UNC13C: variants seen among roughly 807,000 people sequenced by gnomAD.
The protein encoded by UNC13C is unc-13 homolog C.
UNC13C carries 174 observed loss-of-function variants against 245.4 expected under a neutral mutation model. The observed-to-expected ratio is 0.71, with a 90% CI of 0.63 to 0.80. UNC13C has a LOEUF of 0.80. Among genes scored for constraint, UNC13C ranks in the 30% least tolerant of loss-of-function variants. The pLI is 0.00. For missense variants in UNC13C, 2,829 were observed against 2,602.9 expected (o/e 1.09, Z -1.89); for synonymous variants, 992 against 895.1 (o/e 1.11, Z -1.93).
intron 17 of UNC13C, among the ~76,000 whole-genome samples, chr15:54,371,717 T>TATATAC (rs565311483): frequency 6.7e-6 from 1 of 149,582 alleles, no homozygotes; most frequent in Admixed American, 6.7e-5. Flanking sequence ...TATATATATA[T>TATATAC]ACACACACAC....
At chr15:54,026,367 TA>T (rs1045789012) in intron 2 of UNC13C, among the ~76,000 whole-genome samples, 2 of 152,210 alleles carry the variant, frequency 1.3e-5, no homozygotes, top group African/African-American at 4.8e-5. Flanking sequence ...CCTCCTCTGG[TA>T]TTCTTTGCAC....
At chr15:54,333,877 C>A in intron 16 of UNC13C, 21 bp downstream of exon 16, 3 of 1,550,308 alleles carry the variant, frequency 1.9e-6, no homozygotes, top group South Asian at 1.2e-5. Context: ...TTATTTCTGT[C>A]ACTGTTTTGT....
chr15:54,603,266 A>AT (rs569306058), intron 30 of UNC13C, among the ~76,000 whole-genome samples: 309 of 152,292 alleles, frequency 2.0e-3, no homozygotes, highest in Non-Finnish European at 3.7e-3. Flanking sequence ...TCTTCCTAGA[A>AT]TTCTGTGAAG....
intron 2 of UNC13C, among the ~76,000 whole-genome samples, chr15:54,021,006 A>G (rs1347765966): frequency 6.6e-6 from 1 of 152,216 alleles, no homozygotes; most frequent in Non-Finnish European, 1.5e-5. Context: ...AGAATTATCT[A>G]TAAAGTGATT....
chr15:54,123,116 C>G lies in UNC13C; in HGVS notation c.2984-19902C>G, dbSNP rs140320914. 2.0e-4 allele frequency among the ~76,000 whole-genome samples: 30 copies of G among 152,006 alleles called. 1 individual carries two copies. Among genetic ancestry groups the G allele is most frequent in the African/African-American group, 7.2e-4 (30 of 41,524 alleles). ...ACATCTTATCAACTCTTATTATTGT[C>G]AGTCTTTTTAATTGCAGCTATTTTA... On this transcript the variant is annotated intron_variant, in intron 2 of 32. Transcript: ENST00000260323.
chr15:54,382,645 T>TCA (rs973060351), intron 17 of UNC13C, among the ~76,000 whole-genome samples: 3 of 151,506 alleles, frequency 2.0e-5, no homozygotes, highest in Admixed American at 6.6e-5. Flanking sequence ...ATTGTACACT[T>TCA]CAAGCAACTA....
At chr15:54,193,073 A>G (rs142501401) in intron 4 of UNC13C, among the ~76,000 whole-genome samples, 2 of 152,272 alleles carry the variant, frequency 1.3e-5, no homozygotes, top group East Asian at 3.9e-4. Flanking sequence ...CTAGCATCTT[A>G]GATTCATTTT....
At chr15:54,089,255 C>T (rs13380407) in intron 2 of UNC13C, among the ~76,000 whole-genome samples, 21,852 of 152,142 alleles carry the variant, frequency 0.14, 1,666 homozygotes, top group Middle Eastern at 0.21. Context: ...ATGCCTAGTA[C>T]TAGTGCAGTG....
intron 4 of UNC13C, among the ~76,000 whole-genome samples, chr15:54,178,485 C>T (rs1162507278): frequency 6.6e-6 from 1 of 152,086 alleles, no homozygotes. Flanking sequence ...AAGAGTAACT[C>T]CTAGCATCTT....
intron 19 of UNC13C, among the ~76,000 whole-genome samples, chr15:54,420,561 C>G (rs1447575763): frequency 6.6e-6 from 1 of 151,818 alleles, no homozygotes; most frequent in African/African-American, 2.4e-5. Context: ...ATCTTGAAGG[C>G]TGGCTAGCAC....
chr15:53,932,495 C>T, the UNC13C span, among the ~76,000 whole-genome samples: 1 of 152,080 alleles, frequency 6.6e-6, no homozygotes, highest in East Asian at 1.9e-4. Context: ...CGGTAAATAC[C>T]TGAAAGTGTT....
intron 4 of UNC13C, among the ~76,000 whole-genome samples, chr15:54,189,501 C>A (rs1457170536): frequency 1.3e-5 from 2 of 152,018 alleles, no homozygotes; most frequent in Non-Finnish European, 2.9e-5. Flanking sequence ...AATAGAAGTT[C>A]TTAGGAAACT....
intron 13 of UNC13C, among the ~76,000 whole-genome samples, chr15:54,315,247 G>C (rs1278871322): frequency 6.6e-6 from 1 of 151,516 alleles, no homozygotes; most frequent in East Asian, 2.0e-4. Context: ...TCATCCCCTG[G>C]TACCTCTTCA....
chr15:54,557,955 A>C (rs958172944), intron 29 of UNC13C, among the ~76,000 whole-genome samples: 4 of 152,034 alleles, frequency 2.6e-5, no homozygotes, highest in Admixed American at 6.6e-5. Context: ...CTTTGTAGGG[A>C]CATGGATGAA....
intron 2 of UNC13C, among the ~76,000 whole-genome samples, chr15:54,107,461 A>G (rs1900504166): frequency 6.6e-6 from 1 of 152,208 alleles, no homozygotes; most frequent in African/African-American, 2.4e-5. Flanking sequence ...GGTGCCCGGC[A>G]TTGAGTTAGA....
At chr15:54,040,923 G>A (rs543049468) in intron 2 of UNC13C, among the ~76,000 whole-genome samples, 164 of 152,216 alleles carry the variant, frequency 1.1e-3, no homozygotes, top group African/African-American at 3.9e-3. Flanking sequence ...ATTTAACTTT[G>A]CAACCTGCAT....
chr15:53,893,313 A>C, the UNC13C span, among the ~76,000 whole-genome samples: 1 of 152,204 alleles, frequency 6.6e-6, no homozygotes, highest in African/African-American at 2.4e-5. Context: ...GTTATCTCCC[A>C]GTCAGGATAC....
chr15:53,970,270 T>C, the UNC13C span, among the ~76,000 whole-genome samples: 3 of 152,176 alleles, frequency 2.0e-5, no homozygotes, highest in Non-Finnish European at 4.4e-5. Flanking sequence ...GGTTTTACCA[T>C]GTTGGTTAGG....
chr15:54,333,028 C>A (rs1193255203), intron 15 of UNC13C, among the ~76,000 whole-genome samples: 1 of 151,894 alleles, frequency 6.6e-6, no homozygotes, highest in Non-Finnish European at 1.5e-5. Context: ...GGGCCTGAAG[C>A]CACCTCATTC....
Sources: allele counts gnomAD v4.1 joint callset (sites outside exome capture counted in the v4.1 genomes callset), GRCh38; gene constraint gnomAD v4.1.1; transcripts MANE v1.5; gene names NCBI Gene and HGNC (gene_info 2026-07-23, HGNC 2026-07-21).